The following UTRN variants were observed in gnomAD, a reference collection of about 807,000 sequenced individuals.
UTRN encodes the protein dystrophin-related protein 1.
Under a neutral mutation model 463.9 loss-of-function variants are expected in UTRN, and 283 were observed. The observed-to-expected ratio is 0.61, with a 90% CI of 0.55 to 0.67. The LOEUF is 0.67. UTRN is among the 30% of genes least tolerant of loss of function. The pLI is 0.00. For missense variants in UTRN, 3,922 were observed against 4,084.3 expected (o/e 0.96, Z 1.08); for synonymous variants, 1,442 against 1,431.5 (o/e 1.01, Z -0.17).
At chr6:144,630,620 G>A (rs1776408241) in intron 51 of UTRN, among the ~76,000 whole-genome samples, 1 of 152,178 alleles carries the variant, frequency 6.6e-6, no homozygotes, top group African/African-American at 2.4e-5. Flanking sequence ...ACAATTCAAG[G>A]TGAGATTTGG....
intron 53 of UTRN, among the ~76,000 whole-genome samples, chr6:144,713,661 C>G (rs568197108): frequency 6.6e-6 from 1 of 150,434 alleles, no homozygotes; most frequent in South Asian, 2.1e-4. Context: ...TGGCTCATGC[C>G]TGTAATCCCA....
chr6:144,653,222 C>G (rs554610216), intron 51 of UTRN, among the ~76,000 whole-genome samples: 1 of 152,248 alleles, frequency 6.6e-6, no homozygotes, highest in South Asian at 2.1e-4. Context: ...ATCACTCCCC[C>G]CCTTTTTGGC....
chr6:144,488,127 G>T (rs1398890533), intron 29 of UTRN, among the ~76,000 whole-genome samples: 3 of 152,112 alleles, frequency 2.0e-5, no homozygotes, highest in Non-Finnish European at 2.9e-5. Context: ...TTTATAGGAA[G>T]GTTGGGTATG....
chr6:144,622,178 TTTG>T (rs1265937584), intron 51 of UTRN, among the ~76,000 whole-genome samples: 7 of 135,050 alleles, frequency 5.2e-5, no homozygotes, highest in Admixed American at 1.6e-4. Context: ...TCCATTTTTT[TTTG>T]TTGTTTTTTT....
chr6:144,840,892 G>T, intron 73 of UTRN, 60 bp downstream of exon 73: 1 of 1,575,540 alleles, frequency 6.3e-7, no homozygotes, highest in Non-Finnish European at 8.7e-7. Context: ...CTCTTTTTCT[G>T]CATGCGGCCC....
intron 51 of UTRN, among the ~76,000 whole-genome samples, chr6:144,652,891 T>A (rs549855674): frequency 6.6e-6 from 1 of 152,322 alleles, no homozygotes; most frequent in South Asian, 2.1e-4. Context: ...TTCTGAAACT[T>A]TTAAAGGCAA....
Position 144,798,003 on chromosome 6 carries a change from A to C in UTRN, c.9245+13A>C. 6.2e-7 allele frequency: 1 copy of C among 1,613,946 alleles called. No homozygotes were observed. Among genetic ancestry groups the C allele is most frequent in the Non-Finnish European group, 8.5e-7 (1 of 1,179,932 alleles). ...TTGTCGGGTTCAGGTAAGGCGTGCC[A>C]GTGCTGGAGGAGGCTATTTTCTGTT... is the stretch of plus-strand genomic sequence containing the variant. On this transcript the variant is annotated intron_variant, in intron 64 of 74. Transcript: ENST00000367545.
At chr6:144,719,423 A>T (rs1425974857) in intron 53 of UTRN, among the ~76,000 whole-genome samples, 1 of 152,086 alleles carries the variant, frequency 6.6e-6, no homozygotes, top group Non-Finnish European at 1.5e-5. Flanking sequence ...TAAAAATATA[A>T]AAAATTATCT....
intron 69 of UTRN, among the ~76,000 whole-genome samples, chr6:144,834,180 A>C (rs1266404341): frequency 6.6e-6 from 1 of 152,204 alleles, no homozygotes; most frequent in African/African-American, 2.4e-5. Flanking sequence ...GTCCCACCCC[A>C]TCCTCTTTTA....
intron 51 of UTRN, among the ~76,000 whole-genome samples, chr6:144,624,548 G>T (rs1233143801): frequency 1.3e-5 from 2 of 152,156 alleles, no homozygotes; most frequent in Non-Finnish European, 2.9e-5. Context: ...GGAACATTTG[G>T]AGATACTTCC....
At chr6:144,812,679 T>C (rs1380774645) in intron 65 of UTRN, among the ~76,000 whole-genome samples, 1 of 152,192 alleles carries the variant, frequency 6.6e-6, no homozygotes, top group Non-Finnish European at 1.5e-5. Context: ...TTCCTAACTG[T>C]ATTTTGGTTG....
intron 51 of UTRN, among the ~76,000 whole-genome samples, chr6:144,657,890 G>T (rs190309293): frequency 1.5e-3 from 227 of 152,070 alleles, no homozygotes; most frequent in African/African-American, 3.8e-3. Flanking sequence ...TTATTTTTTT[G>T]TGTGTGTGGT....
At chr6:144,588,868 A>C (rs1182374593) in intron 51 of UTRN, among the ~76,000 whole-genome samples, 2 of 152,200 alleles carry the variant, frequency 1.3e-5, no homozygotes, top group African/African-American at 4.8e-5. Context: ...AGAAAATGTT[A>C]TGCCTTGGTA....
intron 18 of UTRN, among the ~76,000 whole-genome samples, chr6:144,453,046 G>T (rs575084777): frequency 6.6e-6 from 1 of 151,894 alleles, no homozygotes; most frequent in Admixed American, 6.6e-5. Context: ...GATTGTGCTT[G>T]AAGTTTGCAT....
chr6:144,717,445 A>G (rs1329441125), intron 53 of UTRN, among the ~76,000 whole-genome samples: 1 of 152,054 alleles, frequency 6.6e-6, no homozygotes, highest in Non-Finnish European at 1.5e-5. Context: ...CTCCTTAGAG[A>G]ATTGTTTTGC....
chr6:144,292,880 TAC>T (rs1804373654), intron 2 of UTRN, among the ~76,000 whole-genome samples: 1 of 152,228 alleles, frequency 6.6e-6, no homozygotes, highest in Non-Finnish European at 1.5e-5. Flanking sequence ...ACTGTAGAAA[TAC>T]ACAGTGAAAA....
chr6:144,732,214 T>TTATATATA (rs1174420940), intron 54 of UTRN, among the ~76,000 whole-genome samples: 17 of 92,286 alleles, frequency 1.8e-4, no homozygotes, highest in African/African-American at 3.2e-4. Context: ...GTACTCTGTT[T>TTATATATA]TATATATATA....
At chr6:144,735,192 T>G (rs528542245) in intron 54 of UTRN, among the ~76,000 whole-genome samples, 97 of 152,290 alleles carry the variant, frequency 6.4e-4, no homozygotes, top group African/African-American at 2.1e-3. Flanking sequence ...CACTCAGTTG[T>G]GTCCTGAGGA....
Position 144,836,452 on chromosome 6 carries a change from G to A in UTRN, c.9976G>A (p.Gly3326Ser). 1 of 1,602,226 alleles carries A rather than the reference G, an allele frequency of 6.2e-7. No homozygotes were observed. The highest frequency in any genetic ancestry group is 8.5e-7 in the Non-Finnish European group (1 of 1,172,942). Residue 3326 changes from glycine (G) to serine (S), a missense_variant, in exon 71 of 75, where the codon GGT (glycine) becomes AGT (serine). Coordinates refer to ENST00000367545, the MANE Select transcript of UTRN (RefSeq NM_007124.3). ...AGCAAAACTCCTCAGGCAGCACAAA[G>A]GTCGGCTGGAGGCTAGGATGCAGAT... ...AEAKLLRQHK[G>S]RLEARMQILE...
Sources: allele counts gnomAD v4.1 joint callset (sites outside exome capture counted in the v4.1 genomes callset), GRCh38; gene constraint gnomAD v4.1.1; transcripts MANE v1.5; gene names NCBI Gene and HGNC (gene_info 2026-07-23, HGNC 2026-07-21).